ZYG11B: variants seen among roughly 807,000 people sequenced by gnomAD.
The protein encoded by ZYG11B is protein zyg-11 homolog B.
A neutral mutation model predicts 82.4 loss-of-function variants in ZYG11B; 36 were observed. The observed-to-expected ratio is 0.44, with a 90% confidence interval of 0.33 to 0.58. ZYG11B has a LOEUF of 0.58. Among genes scored for constraint, ZYG11B ranks in the 20% least tolerant of loss-of-function variants. ZYG11B has a pLI of 0.02. For synonymous variants in ZYG11B, 303 were observed against 312.8 expected, an observed-to-expected ratio of 0.97 and a Z score of 0.33; for missense variants, 552 against 895.6, an observed-to-expected ratio of 0.62 and a Z score of 4.90.
rs1327668259 is a variant in ZYG11B, at chr1:52,773,415, A to G, written c.951+1641A>G. Among the ~76,000 whole-genome samples, 3 of 150,470 alleles carry G rather than the reference A, an allele frequency of 2.0e-5. No individual in the cohort carries two copies. The Admixed American group carries it at 2.0e-4, about 10-fold the overall frequency. The stretch of plus-strand genomic sequence containing the variant: ...CTTGAATCCAGGAGGCGGAAGTTGC[A>G]GAGAGCCAAGATTGTGCCACTGCAC... On this transcript the variant is annotated intron_variant, in intron 3 of 13. Transcript: ENST00000294353.
In ZYG11B at chr1:52,728,918, G is replaced by A. The variant is rs572714815; in HGVS notation, c.30+2235G>A. Among the ~76,000 whole-genome samples the A allele has an allele frequency of 9.9e-5, 15 of 152,132 alleles. No homozygotes were observed. In the East Asian group the frequency reaches 2.5e-3, roughly 25 times the overall value. ...GAATTAGGATGCATTGTAGGAAGTA[G>A]TATTACCCTTATATAGCATGGAAGG... On this transcript the variant is annotated intron_variant, in intron 1 of 13. Transcript: ENST00000294353.
At chr1:52,805,617 C>T (rs935186451) in intron 10 of ZYG11B, 10 of 384,944 alleles carry the variant, frequency 2.6e-5, no homozygotes, top group Non-Finnish European at 5.1e-5. Flanking sequence ...GGATCACGTG[C>T]GGTCAGGAGT....
rs199738058 is a variant in ZYG11B, at chr1:52,801,366, CTA to C, written c.1486-451_1486-450del. ...TTCTTACTTTCTCTGACTAAATTGA[CTA>C]TGAACAAATTAGTTAATATTTCTCA... On this transcript the variant is annotated intron_variant, in intron 8 of 13. Coordinates refer to ENST00000294353, the MANE Select transcript of ZYG11B (RefSeq NM_024646.3). 1.4e-4 allele frequency among the ~76,000 whole-genome samples: 21 copies of C among 152,160 alleles called. No homozygotes were observed. The East Asian group carries it at 4.1e-3, about 29-fold the overall frequency.
At chr1:52,757,965 G>A (rs906871267) in intron 2 of ZYG11B, among the ~76,000 whole-genome samples, 1 of 151,848 alleles carries the variant, frequency 6.6e-6, no homozygotes, top group African/African-American at 2.4e-5. Context: ...ACTTTGGGAG[G>A]TCAAGGTGGG....
chr1:52,808,781 A>AT (rs1645161820), intron 10 of ZYG11B, among the ~76,000 whole-genome samples: 2 of 152,008 alleles, frequency 1.3e-5, no homozygotes, highest in Non-Finnish European at 2.9e-5. Context: ...ATGCTCTTTA[A>AT]TGTTTTTGTT....
intron 1 of ZYG11B, among the ~76,000 whole-genome samples, chr1:52,753,978 G>T (rs746861884): frequency 1.5e-4 from 23 of 148,528 alleles, no homozygotes; most frequent in Non-Finnish European, 3.3e-4. Context: ...TGATCTGTCT[G>T]CCTCGGCCTC....
rs866829851 is a variant in ZYG11B, at chr1:52,803,251, T to C, written c.1695+1112T>C. Among the ~76,000 whole-genome samples, 194 of 62,738 alleles carry C rather than the reference T, an allele frequency of 3.1e-3. 18 individuals are homozygous for C. The highest frequency in any genetic ancestry group is 3.5e-3 in the Non-Finnish European group (138 of 39,212). The allele number at this position is 62,738 out of a possible 152,430, so 41.2% of individuals were successfully genotyped here. ...ACACATATATATATACACACACACATATATATATATATATACACACACACA... is the reference window on the plus strand; with the variant it reads ...ACACATATATATATACACACACACACATATATATATATATACACACACACA... On this transcript the variant is annotated intron_variant, in intron 10 of 13. Coordinates refer to ENST00000294353, the MANE Select transcript of ZYG11B (RefSeq NM_024646.3).
chr1:52,771,827 A>G lies in ZYG11B; in HGVS notation c.951+53A>G, dbSNP rs1644754195. On this transcript the variant is annotated intron_variant, in intron 3 of 13. Coordinates refer to ENST00000294353, the MANE Select transcript of ZYG11B (RefSeq NM_024646.3). The surrounding 1 kb of genome is among the most constrained non-coding windows in gnomAD (Gnocchi z 5.4). ...TCAGGCTGACCAATATCTTAGTTGC[A>G]TAAGACTCTATTAAAGATGAATGTC... is the stretch of plus-strand genomic sequence containing the variant. The G allele has an allele frequency of 2.6e-6, 4 of 1,536,618 alleles. No individual in the cohort carries two copies. The Admixed American group carries it at 6.0e-5, about 23-fold the overall frequency.
chr1:52,746,687 G>GTTTTTGTTTTTTTTT (rs1644479109), intron 1 of ZYG11B, among the ~76,000 whole-genome samples: 1 of 33,506 alleles, frequency 3.0e-5, no homozygotes, highest in Non-Finnish European at 5.1e-5. Context: ...ATCGGCCACT[G>GTTTTTGTTTTTTTTT]TTTTTTTTTT....
chr1:52,745,701 T>A (rs1644470456), intron 1 of ZYG11B, among the ~76,000 whole-genome samples: 1 of 149,380 alleles, frequency 6.7e-6, no homozygotes, highest in Non-Finnish European at 1.5e-5. Context: ...GCAGCTGAGA[T>A]TACAGGCATC....
intron 7 of ZYG11B, 137 bp from the exon 8 acceptor site, chr1:52,796,597 C>T (rs1645008049): frequency 1.1e-6 from 1 of 876,158 alleles, no homozygotes; most frequent in Admixed American, 3.2e-5. Context: ...AGGCAGGCCT[C>T]CCAAAAACCG....
chr1:52,768,941 G>C (rs188681135), intron 2 of ZYG11B, among the ~76,000 whole-genome samples: 2 of 152,016 alleles, frequency 1.3e-5, no homozygotes, highest in Non-Finnish European at 2.9e-5. Context: ...ATTTTCAAAG[G>C]CCTTACTCAA....
chr1:52,782,527 T>C (rs1644865290), intron 4 of ZYG11B, among the ~76,000 whole-genome samples: 1 of 152,002 alleles, frequency 6.6e-6, no homozygotes, highest in African/African-American at 2.4e-5. Context: ...TGGCTGGGAG[T>C]ATAGGTGTGT....
At chr1:52,804,235 G>T (rs1645122421) in intron 10 of ZYG11B, among the ~76,000 whole-genome samples, 1 of 151,972 alleles carries the variant, frequency 6.6e-6, no homozygotes, top group Admixed American at 6.6e-5. Flanking sequence ...GACAGAGTGA[G>T]ACCCAGTCTC....
At chr1:52,728,337 A>G (rs535445844) in intron 1 of ZYG11B, among the ~76,000 whole-genome samples, 1 of 152,322 alleles carries the variant, frequency 6.6e-6, no homozygotes, top group African/African-American at 2.4e-5. Context: ...GCTCTTTGCA[A>G]CCTTGAACTC....
intron 1 of ZYG11B, 129 bp downstream of exon 1, chr1:52,726,812 C>T: frequency 1.2e-6 from 1 of 868,698 alleles, no homozygotes; most frequent in Non-Finnish European, 1.6e-6. Flanking sequence ...TTACCTCTCT[C>T]CCTCGTTACC....
chr1:52,774,341 T>C (rs1293351400), intron 3 of ZYG11B, among the ~76,000 whole-genome samples: 1 of 142,256 alleles, frequency 7.0e-6, no homozygotes, highest in African/African-American at 2.7e-5. Flanking sequence ...GGAGTCTAGC[T>C]CCGTCACCCA....
At position 52,771,021 on chromosome 1, in the gene ZYG11B, T is replaced by G. The variant is rs371557418; in HGVS notation, c.198T>G (p.Gly66=). ...AAAACGCTGCTTGTTTTTCCACAGG[T>G]CTATTGAATGATGGAACTGTGGGTA... ...DRLLRTMAFH[G]LLNDGTVGIF... The change falls in exon 3 of 14, where the codon GGT becomes GGG. Residue 66 remains glycine, a splice_region_variant and synonymous_variant. Coordinates refer to ENST00000294353, the MANE Select transcript of ZYG11B (RefSeq NM_024646.3). The surrounding 1 kb of genome is among the most constrained non-coding windows in gnomAD (Gnocchi z 5.4). The G allele has an allele frequency of 1.2e-6, 2 of 1,607,718 alleles. No homozygotes were observed. Among genetic ancestry groups the G allele is most frequent in the South Asian group, 2.2e-5 (2 of 90,882 alleles).
In ZYG11B at chr1:52,821,729, A is replaced by G; in HGVS notation, c.*100A>G. 1 of 1,122,460 alleles carries G rather than the reference A, an allele frequency of 8.9e-7. No homozygotes were observed. Among genetic ancestry groups the G allele is most frequent in the South Asian group, 1.7e-5 (1 of 58,012 alleles). The allele number at this position is 1,122,460 out of a possible 1,614,324, so 69.5% of individuals were successfully genotyped here. A position where few individuals can be genotyped will look rare whatever the true frequency, so the allele number is the denominator to read the frequency against. The stretch of plus-strand genomic sequence containing the variant: ...CTGATGTTTTGGGGGTTTCTATGAC[A>G]AGAGTCATAAAATCAGTTTGGGATT... On this transcript the variant is annotated 3_prime_UTR_variant, in exon 14 of 14. Transcript: ENST00000294353.
Sources: gnomAD v4.1 joint callset for allele counts (sites outside exome capture counted in the v4.1 genomes callset) on GRCh38, gnomAD v4.1.1 for gene constraint, Gnocchi (gnomAD v3.1) non-coding constraint, MANE v1.5 for transcripts, NCBI Gene and HGNC (gene_info 2026-07-23, HGNC 2026-07-21) for gene names.